Variants in CAMK2B observed in about 807,000 individuals in gnomAD.
CAMK2B encodes the protein calcium/calmodulin dependent protein kinase II beta, also known as calcium/calmodulin-dependent protein kinase type II subunit beta.
A neutral mutation model predicts 93.7 loss-of-function variants in CAMK2B; 27 were observed. The observed-to-expected ratio is 0.29, with a 90% CI of 0.21 to 0.40. The LOEUF is 0.40. Among genes scored for constraint, CAMK2B ranks in the 10% least tolerant of loss-of-function variants. The probability of loss-of-function intolerance (pLI) is 1.00; values close to 1 mark genes in which losing one functional copy is unlikely to be tolerated. For synonymous variants in CAMK2B, 374 were observed against 358.8 expected, an observed-to-expected ratio of 1.04 and a Z score of -0.48; for missense variants, 568 against 895.8, an observed-to-expected ratio of 0.63 and a Z score of 4.67.
At chr7:44,283,309 CA>C (rs1363187069) in intron 2 of CAMK2B, among the ~76,000 whole-genome samples, 1 of 152,216 alleles carries the variant, frequency 6.6e-6, no homozygotes, top group African/African-American at 2.4e-5. Flanking sequence ...AGCACAAGGA[CA>C]GGGAGACCCC....
chr7:44,249,646 T>A (rs563832409), intron 5 of CAMK2B, among the ~76,000 whole-genome samples: 1 of 152,172 alleles, frequency 6.6e-6, no homozygotes, highest in Non-Finnish European at 1.5e-5. Flanking sequence ...TGGAGTGATA[T>A]GTGCAGAGCT....
At chr7:44,315,905 A>C in intron 1 of CAMK2B, among the ~76,000 whole-genome samples, 1 of 152,188 alleles carries the variant, frequency 6.6e-6, no homozygotes, top group East Asian at 1.9e-4. Context: ...TATTGGTCTT[A>C]CATCTTGCAA....
At chr7:44,223,987 T>C (rs962530038) in intron 20 of CAMK2B, among the ~76,000 whole-genome samples, 1 of 152,264 alleles carries the variant, frequency 6.6e-6, no homozygotes, top group Non-Finnish European at 1.5e-5. Context: ...TTTGGTTCTA[T>C]AGTCACCTTA....
rs1392425392 is a variant in CAMK2B, at chr7:44,225,812, T to C, written c.1597+704A>G. The stretch of plus-strand genomic sequence containing the variant: ...GCCCGTGGCCCAGCAGCCTCTTCTC[T>C]AAGAGTATCTCCACACCACCCCCAG... On this transcript the variant is annotated intron_variant, in intron 20 of 23. Transcript: ENST00000395749. This position sits in a 1 kb window ranked among gnomAD's most constrained non-coding sequence, Gnocchi z 5.0. 1.6e-6 allele frequency: 2 copies of C among 1,289,262 alleles called. No individual in the cohort carries two copies. The highest frequency in any genetic ancestry group is 2.3e-5 in the Admixed American group (1 of 43,534). The allele number at this position is 1,289,262 out of a possible 1,614,324, so 79.9% of individuals were successfully genotyped here.
chr7:44,242,897 C>T (rs548848428), intron 8 of CAMK2B, among the ~76,000 whole-genome samples: 1 of 152,322 alleles, frequency 6.6e-6, no homozygotes, highest in Admixed American at 6.5e-5. Context: ...TCTGCTGCTC[C>T]CCACCTCTGT....
intron 2 of CAMK2B, 62 bp downstream of exon 2, chr7:44,284,069 C>A: frequency 1.6e-6 from 2 of 1,255,882 alleles, no homozygotes; most frequent in Non-Finnish European, 2.3e-6. Flanking sequence ...CCACAGGGCA[C>A]GGCCTCCAAA....
At chr7:44,252,891 A>C (rs1357003265) in intron 5 of CAMK2B, among the ~76,000 whole-genome samples, 2 of 152,258 alleles carry the variant, frequency 1.3e-5, no homozygotes, top group Non-Finnish European at 2.9e-5. Context: ...CCAAGGGCAC[A>C]GGCCTCTCCA....
rs1447486278 is a variant in CAMK2B at position 44,228,815 on chromosome 7, T to A, written c.1449A>T (p.Leu483=). 2.6e-6 allele frequency: 4 copies of A among 1,522,952 alleles called. No individual in the cohort carries two copies. Among genetic ancestry groups the A allele is most frequent in the Non-Finnish European group, 3.5e-6 (4 of 1,140,016 alleles). 94.3% of individuals were successfully genotyped at this position (1,522,952 alleles called of 1,614,324 possible). A position where few individuals can be genotyped will look rare whatever the true frequency, so the allele number is the denominator to read the frequency against. The part of the protein sequence containing the change: ...GPPPCLSPAL[L]GPLSSPSPRI... ...ACTTACACGGGGAGGACAGGGGGCC[T>A]AGGAGAGCCGGAGACAGGCAGGGCG... The change falls in exon 19 of 24, where the codon CTA becomes CTT. Residue 483 remains leucine (L), a synonymous_variant. Transcript: ENST00000395749.
In CAMK2B at chr7:44,271,484, C is replaced by T. The variant is rs2096973915; in HGVS notation, c.161-8420G>A. Among the ~76,000 whole-genome samples, 1 of 152,230 alleles carries T rather than the reference C, an allele frequency of 6.6e-6. No homozygotes were observed. Among genetic ancestry groups the T allele is most frequent in the South Asian group, 2.1e-4 (1 of 4,824 alleles). ...GGTCTTTAATTCTGTTTGGCCATGA[C>T]CTGGCTGGCTCCTACAGACTCTGGT... is the stretch of plus-strand genomic sequence containing the variant. On this transcript the variant is annotated intron_variant, in intron 2 of 23. Transcript: ENST00000395749. This position sits in a 1 kb window ranked among gnomAD's most constrained non-coding sequence, Gnocchi z 4.2.
chr7:44,251,762 C>T (rs1016069243), intron 5 of CAMK2B, among the ~76,000 whole-genome samples: 6 of 152,206 alleles, frequency 3.9e-5, no homozygotes, highest in Non-Finnish European at 7.3e-5. Flanking sequence ...GGGTGCCCTC[C>T]GCATCGGGAG....
intron 2 of CAMK2B, among the ~76,000 whole-genome samples, chr7:44,280,101 T>C (rs1021619018): frequency 6.6e-6 from 1 of 152,162 alleles, no homozygotes. Context: ...TCTAAAGGGG[T>C]TCCTCTCTCC....
intron 22 of CAMK2B, 35 bp downstream of exon 22, chr7:44,220,581 C>G (rs1274452569): frequency 6.5e-7 from 1 of 1,545,368 alleles, no homozygotes; most frequent in Non-Finnish European, 8.9e-7. Flanking sequence ...CTGGGGGCAC[C>G]GCCCCCTCAT....
chr7:44,276,981 AGG>A (rs1165209362), intron 2 of CAMK2B, among the ~76,000 whole-genome samples: 4 of 152,194 alleles, frequency 2.6e-5, no homozygotes, highest in African/African-American at 9.7e-5. Context: ...CCTGAGCTGA[AGG>A]GCCATTCCAG....
intron 1 of CAMK2B, among the ~76,000 whole-genome samples, chr7:44,289,791 T>C (rs1786228862): frequency 6.6e-6 from 1 of 152,236 alleles, no homozygotes; most frequent in Non-Finnish European, 1.5e-5. Context: ...GACAGGCTGC[T>C]GAGCTCCCGC....
At chr7:44,236,785 C>A (rs2096630180) in intron 13 of CAMK2B, among the ~76,000 whole-genome samples, 1 of 152,186 alleles carries the variant, frequency 6.6e-6, no homozygotes, top group East Asian at 1.9e-4. Flanking sequence ...CCCAGAAACA[C>A]CCGCCCAGTG....
intron 2 of CAMK2B, among the ~76,000 whole-genome samples, chr7:44,270,074 A>ACC (rs111791533): frequency 2.2e-5 from 3 of 139,164 alleles, no homozygotes; most frequent in Non-Finnish European, 4.7e-5. Context: ...TCAAGAACGT[A>ACC]CCCCCCCCCC....
intron 6 of CAMK2B, 85 bp downstream of exon 6, chr7:44,247,035 C>T (rs2096738096): frequency 9.0e-7 from 1 of 1,109,192 alleles, no homozygotes; most frequent in Non-Finnish European, 1.4e-6. Context: ...CAGTGCCACA[C>T]ACTGTCCAGC....
Position 44,325,469 on chromosome 7 carries a change from G to A in CAMK2B, c.-48C>T. 2.0e-6 allele frequency: 2 copies of A among 1,006,694 alleles called. No individual in the cohort carries two copies. The highest frequency in any genetic ancestry group is 2.4e-6 in the Non-Finnish European group (2 of 833,888). 62.4% of individuals were successfully genotyped at this position (1,006,694 alleles called of 1,614,324 possible). On this transcript the variant is annotated 5_prime_UTR_variant, in exon 1 of 24. Transcript: ENST00000395749. The stretch of plus-strand genomic sequence containing the variant: ...GTGCGCTCGGCTGCGCTCGGGCGGC[G>A]GCGACTCCGGCTCCCGCTCGCGGGC...
rs974465462 is a variant in CAMK2B at position 44,247,003 on chromosome 7, C to G, written c.414+117G>C. 5.3e-6 allele frequency: 4 copies of G among 757,274 alleles called. No individual in the cohort carries two copies. In the African/African-American group the frequency reaches 6.9e-5, roughly 13 times the overall value. 46.9% of individuals were successfully genotyped at this position (757,274 alleles called of 1,614,324 possible). ...GCACACAAGGACACACACACACATACACCTCACCCCTCCAAGCTCCACAGT... is the reference window on the plus strand; with the variant it reads ...GCACACAAGGACACACACACACATAGACCTCACCCCTCCAAGCTCCACAGT... On this transcript the variant is annotated intron_variant, in intron 6 of 23. Transcript: ENST00000395749.
Sources: gnomAD v4.1 joint callset for allele counts (sites outside exome capture counted in the v4.1 genomes callset) on GRCh38, gnomAD v4.1.1 for gene constraint, Gnocchi (gnomAD v3.1) non-coding constraint, MANE v1.5 for transcripts, NCBI Gene and HGNC (gene_info 2026-07-23, HGNC 2026-07-21) for gene names.